ZNF644: variants seen among roughly 807,000 people sequenced by gnomAD.
ZNF644 encodes zinc finger protein 644.
ZNF644 carries 20 observed loss-of-function variants against 108.0 expected under a neutral mutation model. The observed-to-expected ratio is 0.19, with a 90% CI of 0.13 to 0.27. The LOEUF is 0.27. Among genes scored for constraint, ZNF644 ranks in the 10% least tolerant of loss-of-function variants. The pLI, the probability that ZNF644 is intolerant of heterozygous loss-of-function variation, is 1.00. For synonymous variants in ZNF644, 542 were observed against 539.1 expected (o/e 1.01, Z -0.08); for missense variants, 1,338 against 1,548.9 (o/e 0.86, Z 2.29).
chr1:90,947,247 T>C (rs1194193396), intron 2 of ZNF644, among the ~76,000 whole-genome samples: 1 of 152,192 alleles, frequency 6.6e-6, no homozygotes, highest in Non-Finnish European at 1.5e-5. Flanking sequence ...TGTTGTGTTG[T>C]TTATGCTTTC....
intron 1 of ZNF644, among the ~76,000 whole-genome samples, chr1:90,995,798 G>A (rs887300015): frequency 1.3e-5 from 2 of 152,160 alleles, no homozygotes; most frequent in Admixed American, 6.5e-5. Context: ...TTGGGTTTGT[G>A]GCCAGCAGAT....
intron 2 of ZNF644, among the ~76,000 whole-genome samples, chr1:90,981,676 C>A (rs1656566989): frequency 1.3e-5 from 2 of 152,036 alleles, no homozygotes; most frequent in African/African-American, 4.8e-5. Context: ...AAAAAGCATT[C>A]TTTCACATAC....
At chr1:91,013,804 T>C (rs539312323) in intron 1 of ZNF644, among the ~76,000 whole-genome samples, 15 of 152,196 alleles carry the variant, frequency 9.9e-5, no homozygotes, top group Non-Finnish European at 1.9e-4. Flanking sequence ...CTAACAGATT[T>C]TGAAGACTTA....
intron 2 of ZNF644, among the ~76,000 whole-genome samples, chr1:90,960,619 A>G (rs1367216336): frequency 6.6e-6 from 1 of 152,126 alleles, no homozygotes; most frequent in Non-Finnish European, 1.5e-5. Context: ...TGTCCTGACG[A>G]CACCCAATCT....
At chr1:90,947,545 T>C (rs905602332) in intron 2 of ZNF644, among the ~76,000 whole-genome samples, 1 of 152,194 alleles carries the variant, frequency 6.6e-6, no homozygotes. Flanking sequence ...TATTATGCCA[T>C]AAATTGTCAT....
chr1:90,956,071 G>A (rs148973297), intron 2 of ZNF644, among the ~76,000 whole-genome samples: 7 of 152,302 alleles, frequency 4.6e-5, no homozygotes, highest in African/African-American at 1.7e-4. Flanking sequence ...GGCCCAAGGA[G>A]AGGGAGAGAG....
rs34562144 is a variant in ZNF644, at chr1:90,931,370, CAA to C, written c.3688+6113_3688+6114del. ...TAAAACATTAAAGAGAACAAAATCT[CAA>C]AAAAAAAAAAAACCCCTACCATTAC... On this transcript the variant is annotated intron_variant, in intron 4 of 5. Transcript: ENST00000337393. 8.2e-3 allele frequency among the ~76,000 whole-genome samples: 1,146 copies of C among 139,296 alleles called. 10 individuals are homozygous for C. Among genetic ancestry groups the C allele is most frequent in the African/African-American group, 0.019 (717 of 37,868 alleles). The allele number at this position is 139,296 out of a possible 152,430, so 91.4% of individuals were successfully genotyped here. A position where few individuals can be genotyped will look rare whatever the true frequency, so the allele number is the denominator to read the frequency against.
intron 2 of ZNF644, among the ~76,000 whole-genome samples, chr1:90,954,315 T>G (rs955657030): frequency 6.6e-6 from 1 of 152,216 alleles, no homozygotes; most frequent in African/African-American, 2.4e-5. Context: ...GTAGACTCCC[T>G]CTCAAGAAAC....
chr1:90,922,775 CCCTTCTTTGTGT>C (rs1649607221), intron 4 of ZNF644, among the ~76,000 whole-genome samples: 1 of 151,956 alleles, frequency 6.6e-6, no homozygotes, highest in African/African-American at 2.4e-5. Flanking sequence ...GTCTGTTGCT[CCCTTCTTTGTGT>C]CCATGTGTTC....
intron 2 of ZNF644, among the ~76,000 whole-genome samples, chr1:90,967,390 C>G (rs1385333754): frequency 6.6e-6 from 1 of 152,184 alleles, no homozygotes; most frequent in Non-Finnish European, 1.5e-5. Context: ...AGAACGGTTC[C>G]TTTCAGAACT....
At chr1:90,994,681 T>C (rs1657974112) in intron 1 of ZNF644, among the ~76,000 whole-genome samples, 1 of 152,204 alleles carries the variant, frequency 6.6e-6, no homozygotes, top group Admixed American at 6.5e-5. Flanking sequence ...AGCAGGAAGC[T>C]GCAGCTCTAC....
chr1:90,948,093 C>T (rs972050792), intron 2 of ZNF644, among the ~76,000 whole-genome samples: 3 of 152,038 alleles, frequency 2.0e-5, no homozygotes, highest in Non-Finnish European at 4.4e-5. Flanking sequence ...TTTTAAAGGG[C>T]AAAGACAATT....
chr1:91,004,574 T>C (rs961864581), intron 1 of ZNF644, among the ~76,000 whole-genome samples: 18 of 152,110 alleles, frequency 1.2e-4, no homozygotes, highest in Non-Finnish European at 1.3e-4. Context: ...ATAAGGAGCA[T>C]GGTGAAGGTA....
chr1:90,937,479 T>C lies in ZNF644; in HGVS notation c.3688+6A>G. On this transcript the variant is annotated splice_donor_region_variant and intron_variant, in intron 4 of 5. Transcript: ENST00000337393. ...GTGTATAGCATAGTCATAAACGTCCTCTTACCTGAGTGCATAGTCAAGTCC... is the reference window on the plus strand; with the variant it reads ...GTGTATAGCATAGTCATAAACGTCCCCTTACCTGAGTGCATAGTCAAGTCC... The C allele has an allele frequency of 6.2e-7, 1 of 1,613,702 alleles. No individual in the cohort carries two copies. The highest frequency in any genetic ancestry group is 8.5e-7 in the Non-Finnish European group (1 of 1,179,638).
At chr1:90,981,653 G>A (rs945587329) in intron 2 of ZNF644, among the ~76,000 whole-genome samples, 1 of 151,744 alleles carries the variant, frequency 6.6e-6, no homozygotes, top group African/African-American at 2.4e-5. Context: ...ACATGTCAAC[G>A]GCTTATATTA....
At chr1:90,929,319 T>C (rs1650441315) in intron 4 of ZNF644, among the ~76,000 whole-genome samples, 1 of 152,220 alleles carries the variant, frequency 6.6e-6, no homozygotes, top group South Asian at 2.1e-4. Context: ...TTGATAGTTT[T>C]ATGTATGTTG....
At chr1:90,953,936 A>T (rs1028960673) in intron 2 of ZNF644, among the ~76,000 whole-genome samples, 1 of 152,124 alleles carries the variant, frequency 6.6e-6, no homozygotes, top group African/African-American at 2.4e-5. Flanking sequence ...AACAAAAATA[A>T]ATAAATGAAA....
At chr1:90,921,552 T>C (rs1046297141) in intron 4 of ZNF644, among the ~76,000 whole-genome samples, 2 of 152,180 alleles carry the variant, frequency 1.3e-5, no homozygotes, top group East Asian at 1.9e-4. Context: ...TAAGCTTCTA[T>C]AGAAAGAAAC....
chr1:90,973,744 G>A (rs1382937536), intron 2 of ZNF644, among the ~76,000 whole-genome samples: 2 of 152,124 alleles, frequency 1.3e-5, no homozygotes, highest in African/African-American at 4.8e-5. Context: ...AGAGGGCACT[G>A]CAGGAGACGT....
Sources: gnomAD v4.1 joint callset for allele counts (sites outside exome capture counted in the v4.1 genomes callset) on GRCh38, gnomAD v4.1.1 for gene constraint, MANE v1.5 for transcripts, NCBI Gene and HGNC (gene_info 2026-07-23, HGNC 2026-07-21) for gene names.